Variants in NRCAM observed in about 807,000 individuals in gnomAD.
The protein encoded by NRCAM is neuronal cell adhesion molecule, also known as NgCAM-related cell adhesion molecule.
NRCAM carries 83 observed loss-of-function variants against 156.5 expected under a neutral mutation model. The observed-to-expected ratio is 0.53, with a 90% CI of 0.44 to 0.64. The LOEUF is 0.64. NRCAM is among the 30% of genes least tolerant of loss of function. NRCAM has a pLI of 0.00. For missense variants in NRCAM, 1,417 were observed against 1,597.3 expected (o/e 0.89, Z 1.92); for synonymous variants, 538 against 563.9 (o/e 0.95, Z 0.65).
At chr7:108,156,935 T>G (rs2045860804) in intron 32 of NRCAM, among the ~76,000 whole-genome samples, 1 of 152,148 alleles carries the variant, frequency 6.6e-6, no homozygotes, top group Admixed American at 6.6e-5. Flanking sequence ...CTTTTTGGAT[T>G]TCTTCAAATA....
At chr7:108,391,555 G>A (rs937952520) in intron 2 of NRCAM, among the ~76,000 whole-genome samples, 20 of 151,380 alleles carry the variant, frequency 1.3e-4, no homozygotes, top group Admixed American at 2.6e-4. Flanking sequence ...CTTTTAATTG[G>A]AGCATTTAGC....
chr7:108,454,699 G>T, intron 1 of NRCAM, among the ~76,000 whole-genome samples: 1 of 152,192 alleles, frequency 6.6e-6, no homozygotes, highest in East Asian at 1.9e-4. Context: ...GTATTCAGAG[G>T]TTACTGTGTT....
intron 3 of NRCAM, among the ~76,000 whole-genome samples, chr7:108,269,174 A>G (rs981813084): frequency 2.0e-5 from 3 of 151,982 alleles, no homozygotes; most frequent in Non-Finnish European, 4.4e-5. Flanking sequence ...GAAAAAAAAA[A>G]AAAAGAAAAA....
At chr7:108,324,074 G>C (rs1052569528) in intron 2 of NRCAM, among the ~76,000 whole-genome samples, 1 of 152,056 alleles carries the variant, frequency 6.6e-6, no homozygotes, top group Admixed American at 6.5e-5. Flanking sequence ...TCTAGGGCAA[G>C]ACCTCTGGCT....
chr7:108,382,671 C>T (rs987340335), intron 2 of NRCAM, among the ~76,000 whole-genome samples: 14 of 152,048 alleles, frequency 9.2e-5, no homozygotes, highest in African/African-American at 3.1e-4. Context: ...TGTAGAGGTA[C>T]CCTGGCATCT....
chr7:108,180,296 C>T lies in NRCAM; in HGVS notation c.2778G>A (p.Leu926=). Residue 926 remains leucine, a synonymous_variant, in exon 25 of 33, where the codon CTG becomes CTA. Transcript: ENST00000379028. ...CTTTCCCATTGACCACTCGGACATTCAGTGTGTAGTGGCTAAAGGGCTCTA... is the reference window on the plus strand; with the variant it reads ...CTTTCCCATTGACCACTCGGACATTTAGTGTGTAGTGGCTAAAGGGCTCTA... ...PGLEPFSHYT[L]NVRVVNGKGE... is the part of the protein sequence containing the mutation. 1.2e-6 allele frequency: 2 copies of T among 1,614,192 alleles called. No homozygotes were observed. Among genetic ancestry groups the T allele is most frequent in the East Asian group, 2.2e-5 (1 of 44,882 alleles).
intron 26 of NRCAM, among the ~76,000 whole-genome samples, chr7:108,177,701 GTA>G (rs562718153): frequency 0.026 from 562 of 21,232 alleles, 6 homozygotes; most frequent in African/African-American, 0.049. Flanking sequence ...ATATATACAC[GTA>G]TATATATATA....
At chr7:108,426,255 T>A (rs975270264) in intron 1 of NRCAM, among the ~76,000 whole-genome samples, 1 of 152,248 alleles carries the variant, frequency 6.6e-6, no homozygotes, top group Non-Finnish European at 1.5e-5. Context: ...CTCTTATAAA[T>A]GTATATGCAC....
chr7:108,385,097 G>C (rs1196405529), intron 2 of NRCAM, among the ~76,000 whole-genome samples: 1 of 152,174 alleles, frequency 6.6e-6, no homozygotes, highest in African/African-American at 2.4e-5. Flanking sequence ...CAAGTGCTTT[G>C]TACTCTAAAG....
At chr7:108,225,770 T>A in intron 9 of NRCAM, 69 bp from the exon 10 acceptor site, 3 of 942,642 alleles carry the variant, frequency 3.2e-6, no homozygotes, top group Non-Finnish European at 5.3e-6. Flanking sequence ...TATTGGGCAA[T>A]AAAAGCAAAC....
intron 1 of NRCAM, among the ~76,000 whole-genome samples, chr7:108,408,906 G>C (rs996059857): frequency 2.8e-4 from 42 of 152,168 alleles, no homozygotes; most frequent in African/African-American, 1.0e-3. Context: ...GGAGAACTGG[G>C]ACTGTCACCC....
At chr7:108,156,452 T>C in intron 32 of NRCAM, 1 of 982,362 alleles carries the variant, frequency 1.0e-6, no homozygotes, top group Non-Finnish European at 1.2e-6. Flanking sequence ...CTACTGTCTG[T>C]ATAATTAAAG....
chr7:108,219,572 C>T (rs2091345443), intron 11 of NRCAM, among the ~76,000 whole-genome samples: 1 of 152,104 alleles, frequency 6.6e-6, no homozygotes, highest in African/African-American at 2.4e-5. Flanking sequence ...ATGTGATACA[C>T]CACATAAACA....
rs374136857 is a variant in NRCAM at position 108,150,018 on chromosome 7, A to G, written c.3807T>C (p.Asp1269=). The G allele has an allele frequency of 6.2e-7, 1 of 1,613,982 alleles. No homozygotes were observed. Among genetic ancestry groups the G allele is most frequent in the African/African-American group, 1.3e-5 (1 of 74,922 alleles). The part of the protein sequence containing the change: ...GEGVNGQFNE[D]GSFIGQYSGK... ...CACTGTATTGTCCAATAAAGGAGCC[A>G]TCCTCATTGAACTGGCCATTAACCC... is the stretch of plus-strand genomic sequence containing the variant. The change falls in exon 33 of 33, where the codon GAT becomes GAC. Residue 1269 remains aspartate (D), a synonymous_variant. Transcript: ENST00000379028.
chr7:108,367,975 G>T (rs2099602190), intron 2 of NRCAM, among the ~76,000 whole-genome samples: 1 of 152,180 alleles, frequency 6.6e-6, no homozygotes, highest in African/African-American at 2.4e-5. Context: ...GTTTAGGGAA[G>T]TAGTTCGAAT....
At chr7:108,437,233 T>C (rs1307672142) in intron 1 of NRCAM, among the ~76,000 whole-genome samples, 1 of 151,962 alleles carries the variant, frequency 6.6e-6, no homozygotes, top group Admixed American at 6.6e-5. Flanking sequence ...ATTGAACTCA[T>C]GGACATAGAA....
At chr7:108,377,203 A>G (rs2099679758) in intron 2 of NRCAM, among the ~76,000 whole-genome samples, 1 of 152,162 alleles carries the variant, frequency 6.6e-6, no homozygotes, top group African/African-American at 2.4e-5. Context: ...ATATATCTGC[A>G]TATTGTATTC....
rs532091992 is a variant in NRCAM at position 108,421,425 on chromosome 7, C to T, written c.-331-21832G>A. Among the ~76,000 whole-genome samples the T allele has an allele frequency of 2.6e-5, 4 of 152,148 alleles. No homozygotes were observed. In the South Asian group the frequency reaches 6.2e-4, roughly 24 times the overall value. ...GTTGATAATTATTCAATAATATAGA[C>T]CATTGCAAGACTAAGTCACCCCCAA... On this transcript the variant is annotated intron_variant, in intron 1 of 32. Coordinates refer to ENST00000379028, the MANE Select transcript of NRCAM (RefSeq NM_001037132.4).
At chr7:108,169,325 T>C (rs2057020936) in intron 28 of NRCAM, among the ~76,000 whole-genome samples, 1 of 152,116 alleles carries the variant, frequency 6.6e-6, no homozygotes, top group Admixed American at 6.5e-5. Flanking sequence ...AAACTAAAAA[T>C]GAAACATTTA....
Sources: allele counts gnomAD v4.1 joint callset (sites outside exome capture counted in the v4.1 genomes callset), GRCh38; gene constraint gnomAD v4.1.1; transcripts MANE v1.5; gene names NCBI Gene and HGNC (gene_info 2026-07-23, HGNC 2026-07-21).